GAS2: variants seen among roughly 807,000 people sequenced by gnomAD.
GAS2 encodes the protein growth arrest specific 2, also known as growth arrest-specific protein 2.
A neutral mutation model predicts 37.5 loss-of-function variants in GAS2; 20 were observed. The ratio of observed to expected loss-of-function variants is 0.53; its 90% CI spans 0.37 to 0.77. The LOEUF (loss-of-function observed/expected upper bound fraction) is 0.77, where lower values mean the gene tolerates loss of function less well. Among genes scored for constraint, GAS2 ranks in the 30% least tolerant of loss-of-function variants. GAS2 has a pLI of 0.00. For missense variants in GAS2, 336 were observed against 373.4 expected, an observed-to-expected ratio of 0.90 and a Z score of 0.82; for synonymous variants, 144 against 132.2, an observed-to-expected ratio of 1.09 and a Z score of -0.61.
At chr11:22,717,135 TA>T (rs1273106375) in intron 3 of GAS2, among the ~76,000 whole-genome samples, 1 of 19,294 alleles carries the variant, frequency 5.2e-5, no homozygotes, top group Non-Finnish European at 1.4e-3. Flanking sequence ...TTCACATAAC[TA>T]GGAAAAAAAA....
chr11:22,708,452 C>A (rs1188851817), intron 3 of GAS2, among the ~76,000 whole-genome samples: 1 of 152,060 alleles, frequency 6.6e-6, no homozygotes, highest in Non-Finnish European at 1.5e-5. Flanking sequence ...TCTTATATAA[C>A]CCTCATAGCA....
chr11:22,674,763 G>A lies in GAS2; in HGVS notation c.-20-87G>A, dbSNP rs574973163. 3.2e-5 allele frequency: 32 copies of A among 994,838 alleles called. No individual in the cohort carries two copies. The Admixed American group carries it at 4.8e-4, about 15-fold the overall frequency. 61.6% of individuals were successfully genotyped at this position (994,838 alleles called of 1,614,324 possible). ...ACTGAACTGTCATCAGAAAACCCGC[G>A]GATCCAGTTCATTATAATGTCATGA... On this transcript the variant is annotated intron_variant, in intron 1 of 7. Transcript: ENST00000454584.
intron 1 of GAS2, among the ~76,000 whole-genome samples, chr11:22,631,946 CTTTT>C (rs35928910): frequency 7.2e-4 from 60 of 82,958 alleles, no homozygotes; most frequent in African/African-American, 2.0e-3. Context: ...TGGCCCTGGA[CTTTT>C]TTTTTTTTTT....
intron 1 of GAS2, chr11:22,668,196 G>A (rs907573645): frequency 6.6e-6 from 1 of 152,088 alleles, no homozygotes; most frequent in Non-Finnish European, 1.5e-5. Flanking sequence ...CTGCAGCTGG[G>A]GTCTGATTTG....
chr11:22,713,709 C>G (rs1851523562), intron 3 of GAS2, among the ~76,000 whole-genome samples: 2 of 152,210 alleles, frequency 1.3e-5, no homozygotes, highest in Non-Finnish European at 2.9e-5. Flanking sequence ...CTATCTATAG[C>G]CTCCTTAAAA....
chr11:22,712,089 A>G (rs570482609), intron 3 of GAS2, among the ~76,000 whole-genome samples: 1 of 152,182 alleles, frequency 6.6e-6, no homozygotes, highest in Non-Finnish European at 1.5e-5. Flanking sequence ...CTGGAGGCCA[A>G]CCAACTCAAG....
rs575560506 is a variant in GAS2 at position 22,715,608 on chromosome 11, T to C, written c.268-10684T>C. ...AACTAGAAAACCTACAGGAGACGGA[T>C]AAATTCCTGGAAATATACAACCCTT... is the stretch of plus-strand genomic sequence containing the variant. On this transcript the variant is annotated intron_variant, in intron 3 of 7. Transcript: ENST00000454584. 2.6e-5 allele frequency among the ~76,000 whole-genome samples: 4 copies of C among 151,300 alleles called. No homozygotes were observed. The East Asian group carries it at 7.8e-4, about 30-fold the overall frequency.
At chr11:22,728,568 CA>C (rs900512628) in intron 4 of GAS2, among the ~76,000 whole-genome samples, 1 of 150,932 alleles carries the variant, frequency 6.6e-6, no homozygotes, top group Non-Finnish European at 1.5e-5. Flanking sequence ...TATTTTTGTA[CA>C]AATTTTTAAG....
chr11:22,700,794 A>C (rs1024951489), intron 3 of GAS2, among the ~76,000 whole-genome samples: 1 of 152,196 alleles, frequency 6.6e-6, no homozygotes, highest in Non-Finnish European at 1.5e-5. Context: ...TAATGGTTTC[A>C]TGAATTTGCT....
At chr11:22,760,224 G>A (rs532875056) in intron 7 of GAS2, among the ~76,000 whole-genome samples, 2 of 151,106 alleles carry the variant, frequency 1.3e-5, no homozygotes, top group South Asian at 2.1e-4. Flanking sequence ...CAGGTGATCC[G>A]CCTGCCTTGG....
rs141871523 is a variant in GAS2, at chr11:22,807,528, C to T, written c.724-4270C>T. Among the ~76,000 whole-genome samples the T allele has an allele frequency of 1.9e-3, 297 of 152,314 alleles. 3 individuals carry two copies. Among genetic ancestry groups the T allele is most frequent in the Middle Eastern group, 6.8e-3 (2 of 294 alleles). On this transcript the variant is annotated intron_variant, in intron 7 of 7. Coordinates refer to ENST00000454584, the MANE Select transcript of GAS2 (RefSeq NM_001143830.3). ...CTGGGAGTGGAAGGAGGTCAGCTCACGCCTTTGGAGAAAAACACCTCTCCA... is the reference window on the plus strand; with the variant it reads ...CTGGGAGTGGAAGGAGGTCAGCTCATGCCTTTGGAGAAAAACACCTCTCCA...
intron 3 of GAS2, among the ~76,000 whole-genome samples, chr11:22,725,196 G>C (rs1354447772): frequency 6.6e-6 from 1 of 151,938 alleles, no homozygotes; most frequent in African/African-American, 2.4e-5. Context: ...CACTTGGTAT[G>C]GTTCCAAGGG....
intron 3 of GAS2, among the ~76,000 whole-genome samples, chr11:22,704,245 A>C (rs1290412057): frequency 6.6e-6 from 1 of 152,166 alleles, no homozygotes; most frequent in African/African-American, 2.4e-5. Flanking sequence ...CCTGTGGATC[A>C]TTTCTCCTCA....
chr11:22,724,567 G>A (rs1177197588), intron 3 of GAS2, among the ~76,000 whole-genome samples: 1 of 151,882 alleles, frequency 6.6e-6, no homozygotes, highest in African/African-American at 2.4e-5. Context: ...GATTGTTTTT[G>A]TAAGTCATCT....
In GAS2 at chr11:22,668,551, CA is replaced by C. The variant is rs1009650602; in HGVS notation, c.-21+1659del. ...TTTACTGGGAAATAAGTTCACATGG[CA>C]AAAAAATATTTCACCAGGTGCAAAA... is the stretch of plus-strand genomic sequence containing the variant. On this transcript the variant is annotated intron_variant, in intron 1 of 7. Coordinates refer to ENST00000454584, the MANE Select transcript of GAS2 (RefSeq NM_001143830.3). Among the ~76,000 whole-genome samples, 3 of 141,852 alleles carry C rather than the reference CA, an allele frequency of 2.1e-5. No individual in the cohort carries two copies. In the East Asian group the frequency reaches 5.9e-4, roughly 28 times the overall value. The allele number at this position is 141,852 out of a possible 152,430, so 93.1% of individuals were successfully genotyped here.
At chr11:22,668,460 AC>A (rs1849074415) in intron 1 of GAS2, 1 of 152,236 alleles carries the variant, frequency 6.6e-6, no homozygotes, top group South Asian at 2.1e-4. Flanking sequence ...CCTGAATGCT[AC>A]TGAAGTTTGG....
At chr11:22,659,586 G>A (rs970735794) in intron 1 of GAS2, among the ~76,000 whole-genome samples, 3 of 152,102 alleles carry the variant, frequency 2.0e-5, no homozygotes, top group African/African-American at 7.2e-5. Context: ...CTTCTGTGAG[G>A]TATTTGACTT....
At position 22,805,770 on chromosome 11, in the gene GAS2, C is replaced by T. The variant is rs1167542042; in HGVS notation, c.724-6028C>T. ...AAACATCCCTGAGTGCTGTTGGTTG[C>T]CCATATTCTGATTATTTCTTGATGA... On this transcript the variant is annotated intron_variant, in intron 7 of 7. Coordinates refer to ENST00000454584, the MANE Select transcript of GAS2 (RefSeq NM_001143830.3). Among the ~76,000 whole-genome samples, 4 of 152,272 alleles carry T rather than the reference C, an allele frequency of 2.6e-5. No individual in the cohort carries two copies. The South Asian group carries it at 6.2e-4, about 24-fold the overall frequency.
chr11:22,765,826 A>G (rs937499290), intron 7 of GAS2, among the ~76,000 whole-genome samples: 1 of 152,124 alleles, frequency 6.6e-6, no homozygotes, highest in African/African-American at 2.4e-5. Context: ...TATAAAGAAT[A>G]TAGGTTTAAT....
Sources: allele counts gnomAD v4.1 joint callset (sites outside exome capture counted in the v4.1 genomes callset), GRCh38; gene constraint gnomAD v4.1.1; transcripts MANE v1.5; gene names NCBI Gene and HGNC (gene_info 2026-07-23, HGNC 2026-07-21).